Variants in NAALADL2 observed in about 807,000 individuals in gnomAD.
NAALADL2 encodes the protein N-acetylated alpha-linked acidic dipeptidase like 2.
A neutral mutation model predicts 87.2 loss-of-function variants in NAALADL2; 76 were observed. That is an observed-to-expected ratio of 0.87 (90% CI 0.72 to 1.05). The LOEUF (loss-of-function observed/expected upper bound fraction) is 1.05, where lower values mean the gene tolerates loss of function less well. Among genes scored for constraint, NAALADL2 ranks in the 50% least tolerant of loss-of-function variants. The pLI, the probability that NAALADL2 is intolerant of heterozygous loss-of-function variation, is 0.00. For missense variants in NAALADL2, 1,089 were observed against 945.8 expected (o/e 1.15, Z -1.99); for synonymous variants, 354 against 331.0 (o/e 1.07, Z -0.75).
At chr3:174,956,576 G>T (rs1741180996) in intron 1 of NAALADL2, among the ~76,000 whole-genome samples, 1 of 152,030 alleles carries the variant, frequency 6.6e-6, no homozygotes, top group Non-Finnish European at 1.5e-5. Context: ...ATAACAAATT[G>T]CCTGCCACAT....
intron 1 of NAALADL2, among the ~76,000 whole-genome samples, chr3:174,501,464 G>C (rs1378422245): frequency 6.6e-6 from 1 of 152,174 alleles, no homozygotes; most frequent in African/African-American, 2.4e-5. Flanking sequence ...TTTTCTGGTA[G>C]ATTTTTGAGA....
At chr3:175,663,525 C>T (rs1313845132) in intron 11 of NAALADL2, among the ~76,000 whole-genome samples, 1 of 147,286 alleles carries the variant, frequency 6.8e-6, no homozygotes, top group Non-Finnish European at 1.5e-5. Flanking sequence ...GTAATCTTTT[C>T]TAATTTGTTT....
intron 9 of NAALADL2, among the ~76,000 whole-genome samples, chr3:175,514,975 A>G (rs1352995374): frequency 6.6e-6 from 1 of 152,182 alleles, no homozygotes; most frequent in Admixed American, 6.5e-5. Context: ...ATATATGTAT[A>G]AATCCCTAAG....
intron 2 of NAALADL2, among the ~76,000 whole-genome samples, chr3:174,648,935 G>A: frequency 6.6e-6 from 1 of 151,998 alleles, no homozygotes; most frequent in Non-Finnish European, 1.5e-5. Flanking sequence ...CATCTAATCA[G>A]GAGAACCTGT....
chr3:175,194,008 T>A (rs1173420611), intron 2 of NAALADL2, among the ~76,000 whole-genome samples: 1 of 151,892 alleles, frequency 6.6e-6, no homozygotes, highest in African/African-American at 2.4e-5. Context: ...TACATGTATA[T>A]CTTCAAGTAA....
chr3:174,962,834 C>G (rs79448964), intron 1 of NAALADL2, among the ~76,000 whole-genome samples: 3,096 of 152,122 alleles, frequency 0.02, 100 homozygotes, highest in African/African-American at 0.072. Context: ...AGATTTTTTT[C>G]AGGATCCCTT....
intron 1 of NAALADL2, among the ~76,000 whole-genome samples, chr3:175,018,355 T>C (rs1451981896): frequency 1.3e-5 from 2 of 152,046 alleles, no homozygotes; most frequent in Non-Finnish European, 2.9e-5. Flanking sequence ...TTTTTTTCAT[T>C]AAGCAAAATA....
intron 3 of NAALADL2, among the ~76,000 whole-genome samples, chr3:174,753,430 A>T (rs1711533047): frequency 6.6e-6 from 1 of 152,172 alleles, no homozygotes; most frequent in African/African-American, 2.4e-5. Flanking sequence ...GGATTAAATG[A>T]CCATGGTAGT....
chr3:174,858,607 A>G (rs1189510282), upstream of NAALADL2, among the ~76,000 whole-genome samples: 4 of 152,078 alleles, frequency 2.6e-5, no homozygotes. Flanking sequence ...TGATGTCAGT[A>G]CATGATCTGG....
chr3:175,255,150 G>GATAA (rs57264872), intron 3 of NAALADL2, among the ~76,000 whole-genome samples: 48,643 of 151,830 alleles, frequency 0.32, 8,528 homozygotes, highest in South Asian at 0.42. Context: ...TTGGGCAACA[G>GATAA]ATAAATAAAA....
intron 1 of NAALADL2, among the ~76,000 whole-genome samples, chr3:175,052,555 C>T (rs1318583782): frequency 6.6e-6 from 1 of 152,160 alleles, no homozygotes. Flanking sequence ...CCCAGAGCTT[C>T]CAAGTGTTTT....
intron 13 of NAALADL2, among the ~76,000 whole-genome samples, chr3:175,788,569 G>A (rs1289591671): frequency 1.3e-5 from 2 of 152,276 alleles, no homozygotes; most frequent in East Asian, 3.9e-4. Context: ...TAGGTGTGTA[G>A]TAGGCTACAC....
intron 2 of NAALADL2, among the ~76,000 whole-genome samples, chr3:174,680,505 T>G (rs978605743): frequency 6.6e-6 from 1 of 152,234 alleles, no homozygotes; most frequent in Non-Finnish European, 1.5e-5. Flanking sequence ...TTGTTTTGTT[T>G]TGGCATTTAT....
chr3:175,046,953 G>T (rs898430345), intron 1 of NAALADL2, among the ~76,000 whole-genome samples: 7 of 152,134 alleles, frequency 4.6e-5, no homozygotes, highest in Admixed American at 1.3e-4. Context: ...AGAAATCCAA[G>T]ATCAAAGTGC....
intron 10 of NAALADL2, among the ~76,000 whole-genome samples, chr3:175,611,454 T>A (rs571523123): frequency 6.6e-6 from 1 of 152,026 alleles, no homozygotes; most frequent in African/African-American, 2.4e-5. Flanking sequence ...TTAATTACCA[T>A]TGAGAGACCT....
At chr3:174,451,850 T>A (rs1436139027) in intron 1 of NAALADL2, among the ~76,000 whole-genome samples, 1 of 138,516 alleles carries the variant, frequency 7.2e-6, no homozygotes, top group Non-Finnish European at 1.6e-5. Context: ...GGAGTTTTTT[T>A]TTTTTTTTTT....
Position 175,206,618 on chromosome 3 carries a change from G to A in NAALADL2, c.546-27313G>A, listed in dbSNP as rs77685026. Among the ~76,000 whole-genome samples the A allele has an allele frequency of 9.0e-3, 1,372 of 151,938 alleles. 18 individuals are homozygous for A. The highest frequency in any genetic ancestry group is 0.032 in the African/African-American group (1,333 of 41,444). ...AAATACAGTTCAGTGTATACTGCTCGGGTGATGGTTACACCAAAATCTCAC... is the reference window on the plus strand; with the variant it reads ...AAATACAGTTCAGTGTATACTGCTCAGGTGATGGTTACACCAAAATCTCAC... On this transcript the variant is annotated intron_variant, in intron 2 of 13. Coordinates refer to ENST00000454872, the MANE Select transcript of NAALADL2 (RefSeq NM_207015.3).
chr3:174,941,543 A>G (rs1738594611), intron 1 of NAALADL2, among the ~76,000 whole-genome samples: 1 of 151,834 alleles, frequency 6.6e-6, no homozygotes, highest in Non-Finnish European at 1.5e-5. Context: ...TCGGGTCCTG[A>G]ATATCTTTGT....
At chr3:174,450,165 A>G (rs1420426644) in intron 1 of NAALADL2, among the ~76,000 whole-genome samples, 1 of 152,120 alleles carries the variant, frequency 6.6e-6, no homozygotes, top group Non-Finnish European at 1.5e-5. Flanking sequence ...AAAAAATGTG[A>G]ATTTGTTACC....
Sources: allele counts gnomAD v4.1 joint callset (sites outside exome capture counted in the v4.1 genomes callset), GRCh38; gene constraint gnomAD v4.1.1; transcripts MANE v1.5; gene names NCBI Gene and HGNC (gene_info 2026-07-23, HGNC 2026-07-21).